NTMT1: variants seen among roughly 807,000 people sequenced by gnomAD.
The protein encoded by NTMT1 is N-terminal RCC1 methyltransferase.
A neutral mutation model predicts 17.5 loss-of-function variants in NTMT1; 8 were observed. That is an observed-to-expected ratio of 0.46 (90% CI 0.27 to 0.82). NTMT1 has a LOEUF of 0.82. NTMT1 is among the 40% of genes least tolerant of loss of function. The probability of loss-of-function intolerance (pLI) is 0.15; values close to 1 mark genes in which losing one functional copy is unlikely to be tolerated. For missense variants in NTMT1, 221 were observed against 303.5 expected, an observed-to-expected ratio of 0.73 and a Z score of 2.02; for synonymous variants, 128 against 126.8, an observed-to-expected ratio of 1.01 and a Z score of -0.06.
Position 129,613,047 on chromosome 9 carries a change from A to G in NTMT1, c.-55+3869A>G, listed in dbSNP as rs1358038031. 5 of 1,603,142 alleles carry G rather than the reference A, an allele frequency of 3.1e-6. No homozygotes were observed. The African/African-American group carries it at 6.7e-5, about 21-fold the overall frequency. ...CTCCACCAAACAGGGCTGCTCCCGGAGCCAGCTGCCAGCAGGGGCTCACCA... is the reference window on the plus strand; with the variant it reads ...CTCCACCAAACAGGGCTGCTCCCGGGGCCAGCTGCCAGCAGGGGCTCACCA... On this transcript the variant is annotated intron_variant, in intron 1 of 3. Transcript: ENST00000372486. The surrounding 1 kb of genome is among the most constrained non-coding windows in gnomAD (Gnocchi z 6.2).
At chr9:129,631,049 C>T (rs1052806690) in intron 1 of NTMT1, among the ~76,000 whole-genome samples, 5 of 152,204 alleles carry the variant, frequency 3.3e-5, no homozygotes, top group African/African-American at 7.2e-5. Context: ...AGTCTTCCCC[C>T]GCTCCACTCT....
intron 1 of NTMT1, among the ~76,000 whole-genome samples, chr9:129,618,084 T>C (rs1353567514): frequency 6.6e-6 from 1 of 152,170 alleles, no homozygotes; most frequent in African/African-American, 2.4e-5. Context: ...ATATGATCCA[T>C]TAGTTTTGTC....
In NTMT1 at chr9:129,632,711, G is replaced by A. The variant is rs959940545; in HGVS notation, c.8G>A (p.Ser3Asn). Reference sequence around the variant, plus strand: ...GCCGTGGTTGGTGACAGCATGACGAGCGAGGTGATAGAAGACGAGAAGCAA... The same window carrying A: ...GCCGTGGTTGGTGACAGCATGACGAACGAGGTGATAGAAGACGAGAAGCAA... MT[S>N]EVIEDEKQFY... The change falls in exon 2 of 4, where the codon AGC (serine) becomes AAC (asparagine). Residue 3 changes from serine to asparagine, a missense_variant. Transcript: ENST00000372483. 6 of 1,613,978 alleles carry A rather than the reference G, an allele frequency of 3.7e-6. No individual in the cohort carries two copies. Among genetic ancestry groups the A allele is most frequent in the Non-Finnish European group, 5.1e-6 (6 of 1,179,988 alleles).
rs1831266704 is a variant in NTMT1, at chr9:129,633,045, T to TG, written c.162+182dup. On this transcript the variant is annotated intron_variant, in intron 2 of 3. Transcript: ENST00000372483. ...GCACAGTGGGGTAACTTCTAGATTG[T>TG]GGACTTAGCCTCAGGGTTACCAGAC... 3 of 601,826 alleles carry TG rather than the reference T, an allele frequency of 5.0e-6. No homozygotes were observed. In the East Asian group the frequency reaches 8.8e-5, roughly 18 times the overall value. 37.3% of individuals were successfully genotyped at this position (601,826 alleles called of 1,614,324 possible). A position where few individuals can be genotyped will look rare whatever the true frequency, so the allele number is the denominator to read the frequency against.
In NTMT1 at chr9:129,632,642, T is replaced by A; in HGVS notation, c.-54-8T>A. On this transcript the variant is annotated splice_polypyrimidine_tract_variant and splice_region_variant and intron_variant, in intron 1 of 3. Transcript: ENST00000372483. ...GGCCCGCTGACTCACGCCCCCTTCC[T>A]TACCCAGGAGAGTCGCGGTTGCTGA... 6.3e-7 allele frequency: 1 copy of A among 1,597,422 alleles called. No individual in the cohort carries two copies. The highest frequency in any genetic ancestry group is 1.1e-5 in the South Asian group (1 of 89,092).
rs41276772 is a variant in NTMT1 at position 129,613,460 on chromosome 9, A to T, written c.-55+4282A>T. On this transcript the variant is annotated intron_variant, in intron 1 of 3. Coordinates refer to the NTMT1 transcript ENST00000372486. The surrounding 1 kb of genome is among the most constrained non-coding windows in gnomAD (Gnocchi z 6.2). ...AGGCCAGCGCAGTCCCAACACGAGGAGCTGGCCAGGGTCTCCTCCTTGGCC... is the reference window on the plus strand; with the variant it reads ...AGGCCAGCGCAGTCCCAACACGAGGTGCTGGCCAGGGTCTCCTCCTTGGCC... 1 of 1,613,968 alleles carries T rather than the reference A, an allele frequency of 6.2e-7. No individual in the cohort carries two copies. The highest frequency in any genetic ancestry group is 2.2e-5 in the East Asian group (1 of 44,870).
In NTMT1 at chr9:129,613,252, C is replaced by T. The variant is rs756420695; in HGVS notation, c.-55+4074C>T. ...GTAGCCCTGTGTCTTCTGGGTGGAC[C>T]TGGGGGAGACAGGACCCCATGAGCT... is the stretch of plus-strand genomic sequence containing the variant. On this transcript the variant is annotated intron_variant, in intron 1 of 3. Coordinates refer to the NTMT1 transcript ENST00000372486. This position sits in a 1 kb window ranked among gnomAD's most constrained non-coding sequence, Gnocchi z 6.2. 9 of 1,601,272 alleles carry T rather than the reference C, an allele frequency of 5.6e-6. No homozygotes were observed. Among genetic ancestry groups the T allele is most frequent in the Non-Finnish European group, 6.8e-6 (8 of 1,172,288 alleles).
chr9:129,632,587 C>A, intron 1 of NTMT1, 63 bp from the exon 2 acceptor site: 1 of 1,244,912 alleles, frequency 8.0e-7, no homozygotes, highest in Non-Finnish European at 1.1e-6. Context: ...GACTGGCCCT[C>A]TGCCCTGGGG....
In NTMT1 at chr9:129,613,300, C is replaced by T. The variant is rs1400642387; in HGVS notation, c.-55+4122C>T. The T allele has an allele frequency of 7.0e-6, 11 of 1,568,374 alleles. No homozygotes were observed. Among genetic ancestry groups the T allele is most frequent in the South Asian group, 1.2e-5 (1 of 84,414 alleles). On this transcript the variant is annotated intron_variant, in intron 1 of 3. Coordinates refer to the NTMT1 transcript ENST00000372486. This position sits in a 1 kb window ranked among gnomAD's most constrained non-coding sequence, Gnocchi z 6.2. ...GCTTCCTGGACTCTGAGTCCCCGGC[C>T]CACCCATGGCTGGCAGGGCCCTTGA...
chr9:129,630,254 C>T (rs1483213270), intron 1 of NTMT1, among the ~76,000 whole-genome samples: 1 of 152,148 alleles, frequency 6.6e-6, no homozygotes, highest in Non-Finnish European at 1.5e-5. Flanking sequence ...AGGTGGATTG[C>T]TTGCAGCCAG....
intron 1 of NTMT1, among the ~76,000 whole-genome samples, chr9:129,627,992 G>A (rs1477616800): frequency 6.6e-6 from 1 of 152,228 alleles, no homozygotes; most frequent in African/African-American, 2.4e-5. Context: ...GCAGCCAGGT[G>A]ACTGTGAAGG....
Position 129,635,657 on chromosome 9 carries a change from A to C in NTMT1, c.*193A>C. ...GACCCGGCGGGGAGGGTGCTGCTGAACCAGCGGTGAGGCAGGAGCCCAGAC... is the reference window on the plus strand; with the variant it reads ...GACCCGGCGGGGAGGGTGCTGCTGACCCAGCGGTGAGGCAGGAGCCCAGAC... On this transcript the variant is annotated 3_prime_UTR_variant, in exon 4 of 4. Transcript: ENST00000372483. 5.9e-6 allele frequency: 4 copies of C among 679,302 alleles called. No individual in the cohort carries two copies. The highest frequency in any genetic ancestry group is 9.9e-6 in the Non-Finnish European group (4 of 404,070). The allele number at this position is 679,302 out of a possible 1,614,324, so 42.1% of individuals were successfully genotyped here. A position where few individuals can be genotyped will look rare whatever the true frequency, so the allele number is the denominator to read the frequency against.
intron 1 of NTMT1, among the ~76,000 whole-genome samples, chr9:129,610,427 G>A (rs1830088096): frequency 6.6e-6 from 1 of 151,890 alleles, no homozygotes; most frequent in Admixed American, 6.6e-5. Flanking sequence ...GCTGCCGCAC[G>A]GCTGCAAGCC....
upstream of NTMT1, among the ~76,000 whole-genome samples, chr9:129,623,823 C>CTTTTTTTTTTTTTTTTTTTTTT: frequency 9.3e-6 from 1 of 107,832 alleles, no homozygotes. Context: ...TTTTTCTTTT[C>CTTTTTTTTTTTTTTTTTTTTTT]TTTTCTTTTT....
In NTMT1 at chr9:129,613,972, G is replaced by T. The variant is rs1255161543; in HGVS notation, c.-55+4794G>T. Among the ~76,000 whole-genome samples the T allele has an allele frequency of 1.3e-5, 2 of 152,178 alleles. No homozygotes were observed. The highest frequency in any genetic ancestry group is 4.8e-5 in the African/African-American group (2 of 41,440). On this transcript the variant is annotated intron_variant, in intron 1 of 3. Transcript: ENST00000372486. This position sits in a 1 kb window ranked among gnomAD's most constrained non-coding sequence, Gnocchi z 6.2. ...GCTCTTCCTGTCCAACAGCAGCCATGCGAGGTGGTCCAAGGACCCTGAGTT... is the reference window on the plus strand; with the variant it reads ...GCTCTTCCTGTCCAACAGCAGCCATTCGAGGTGGTCCAAGGACCCTGAGTT...
chr9:129,633,929 A>G, intron 2 of NTMT1, 125 bp from the exon 3 acceptor site: 1 of 1,118,008 alleles, frequency 8.9e-7, no homozygotes. Context: ...AGACCTCCCC[A>G]CCAGTGCTCA....
At chr9:129,609,035 C>T (rs1168598309) in exon 1 of NTMT1, 1 of 152,336 alleles carries the variant, frequency 6.6e-6, no homozygotes, top group Non-Finnish European at 1.5e-5. Context: ...TTGAGCCTCT[C>T]TGGGCCCTGG....
intron 1 of NTMT1, among the ~76,000 whole-genome samples, chr9:129,616,048 G>A (rs1564335233): frequency 6.6e-6 from 1 of 152,166 alleles, no homozygotes; most frequent in Non-Finnish European, 1.5e-5. Flanking sequence ...GAGTCATGCA[G>A]TCCTGGGTTT....
chr9:129,612,898 A>C (rs1453526675), intron 1 of NTMT1, among the ~76,000 whole-genome samples: 2 of 152,078 alleles, frequency 1.3e-5, no homozygotes, highest in Non-Finnish European at 2.9e-5. Context: ...GAACCCAGGC[A>C]CCTGGCTTAG....
Sources: gnomAD v4.1 joint callset for allele counts (sites outside exome capture counted in the v4.1 genomes callset) on GRCh38, gnomAD v4.1.1 for gene constraint, Gnocchi (gnomAD v3.1) non-coding constraint, MANE v1.5 for transcripts, NCBI Gene and HGNC (gene_info 2026-07-23, HGNC 2026-07-21) for gene names.